Variants in TNFRSF19 observed in about 807,000 individuals in gnomAD.
TNFRSF19 encodes TNF receptor superfamily member 19.
A neutral mutation model predicts 46.4 loss-of-function variants in TNFRSF19; 27 were observed. The ratio of observed to expected loss-of-function variants is 0.58; its 90% CI spans 0.43 to 0.80. The LOEUF (loss-of-function observed/expected upper bound fraction) is 0.80. TNFRSF19 is among the 30% of genes least tolerant of loss of function. TNFRSF19 has a pLI of 0.00. For missense variants in TNFRSF19, 511 were observed against 530.8 expected, an observed-to-expected ratio of 0.96 and a Z score of 0.37; for synonymous variants, 204 against 205.0, an observed-to-expected ratio of 1.00 and a Z score of 0.04.
chr13:23,626,130 A>C (rs141982146), intron 4 of TNFRSF19, among the ~76,000 whole-genome samples: 200 of 151,346 alleles, frequency 1.3e-3, no homozygotes, highest in African/African-American at 4.6e-3. Context: ...TTTGCCCGTT[A>C]CCTATTATTG....
intron 5 of TNFRSF19, among the ~76,000 whole-genome samples, chr13:23,650,628 T>C (rs1379321659): frequency 2.0e-5 from 3 of 152,082 alleles, no homozygotes; most frequent in Non-Finnish European, 4.4e-5. Context: ...GGGTATGGGG[T>C]TTCCTTTTGG....
chr13:23,626,694 C>T lies in TNFRSF19; in HGVS notation c.360-13C>T, dbSNP rs1164797974. ...GAAAGAGTTAACAAGGAGTATTTTC[C>T]TTTCTCTTCTAGATTTTATAGGAAG... On this transcript the variant is annotated splice_polypyrimidine_tract_variant and intron_variant, in intron 4 of 9. Transcript: ENST00000248484. The T allele has an allele frequency of 6.2e-7, 1 of 1,613,530 alleles. No homozygotes were observed.
intron 3 of TNFRSF19, among the ~76,000 whole-genome samples, chr13:23,598,087 A>T (rs139839161): frequency 6.6e-6 from 1 of 152,340 alleles, no homozygotes; most frequent in African/African-American, 2.4e-5. Context: ...TATTGATTGA[A>T]TGTATCTGGA....
chr13:23,637,759 A>G (rs1347322013), intron 5 of TNFRSF19, among the ~76,000 whole-genome samples: 1 of 152,266 alleles, frequency 6.6e-6, no homozygotes, highest in African/African-American at 2.4e-5. Context: ...AGTGAGGTAA[A>G]TAAGAGTTAT....
intron 7 of TNFRSF19, among the ~76,000 whole-genome samples, chr13:23,665,554 G>A (rs886558474): frequency 3.3e-4 from 48 of 144,490 alleles, no homozygotes; most frequent in Non-Finnish European, 5.6e-4. Context: ...ATTCCCACAT[G>A]TCCTTTACCG....
At chr13:23,669,216 T>A in intron 9 of TNFRSF19, 119 bp downstream of exon 9, 1 of 1,442,566 alleles carries the variant, frequency 6.9e-7, no homozygotes, top group Non-Finnish European at 9.0e-7. Flanking sequence ...CTTTAATAAT[T>A]TCTTGTATGT....
chr13:23,586,521 C>G (rs541363437), intron 1 of TNFRSF19, among the ~76,000 whole-genome samples: 2 of 152,194 alleles, frequency 1.3e-5, no homozygotes, highest in Non-Finnish European at 2.9e-5. Flanking sequence ...TCCGCCCAGC[C>G]AATCAGAGAT....
chr13:23,669,044 C>G lies in TNFRSF19; in HGVS notation c.1192C>G (p.Leu398Val). 4 of 1,614,172 alleles carry G rather than the reference C, an allele frequency of 2.5e-6. No homozygotes were observed. The highest frequency in any genetic ancestry group is 3.4e-6 in the Non-Finnish European group (4 of 1,180,032). The change falls in exon 9 of 10, where the codon CTA becomes GTA. Residue 398 changes from leucine to valine, a missense_variant. Coordinates refer to ENST00000248484, the MANE Select transcript of TNFRSF19 (RefSeq NM_148957.4). ...TQDALTMRSQ[L>V]DQESGAVIHP... ...GGATGCACTAACTATGAGAAGCCAG[C>G]TAGATCAGGAGAGTGGTGCTGTCAT...
chr13:23,645,314 A>G (rs550649634), intron 5 of TNFRSF19, among the ~76,000 whole-genome samples: 1 of 152,158 alleles, frequency 6.6e-6, no homozygotes, highest in South Asian at 2.1e-4. Context: ...GGATTCTTGC[A>G]CCTCAGCCTC....
At chr13:23,632,288 G>A (rs573370817) in intron 5 of TNFRSF19, among the ~76,000 whole-genome samples, 2 of 152,292 alleles carry the variant, frequency 1.3e-5, no homozygotes, top group South Asian at 2.1e-4. Context: ...CTGCTACTAT[G>A]CATTTTAAAT....
At chr13:23,613,856 G>T (rs1881066898) in intron 3 of TNFRSF19, among the ~76,000 whole-genome samples, 2 of 152,290 alleles carry the variant, frequency 1.3e-5, no homozygotes, top group South Asian at 4.1e-4. Context: ...GAGTCACAAT[G>T]ATCACCCCGC....
chr13:23,671,498 C>G (rs1951761248), intron 9 of TNFRSF19, among the ~76,000 whole-genome samples: 1 of 120,174 alleles, frequency 8.3e-6, no homozygotes, highest in Non-Finnish European at 1.8e-5. Context: ...TAATCATTTC[C>G]AGATGCTGGA....
intron 3 of TNFRSF19, among the ~76,000 whole-genome samples, chr13:23,610,795 G>C (rs1434783551): frequency 6.6e-6 from 1 of 151,940 alleles, no homozygotes; most frequent in Non-Finnish European, 1.5e-5. Flanking sequence ...GAAGTAAGTA[G>C]GGGCCCTATA....
At chr13:23,660,881 C>G (rs1195828923) in intron 7 of TNFRSF19, among the ~76,000 whole-genome samples, 1 of 152,036 alleles carries the variant, frequency 6.6e-6, no homozygotes, top group Non-Finnish European at 1.5e-5. Flanking sequence ...AAAAATATAT[C>G]TATTTTTAGA....
intron 1 of TNFRSF19, among the ~76,000 whole-genome samples, chr13:23,581,435 C>T (rs1207008520): frequency 1.3e-5 from 2 of 151,614 alleles, no homozygotes; most frequent in African/African-American, 2.4e-5. Context: ...CCTGAGCCAC[C>T]GCGCCCGGCC....
chr13:23,647,719 G>A (rs1883413754), intron 5 of TNFRSF19, among the ~76,000 whole-genome samples: 1 of 152,152 alleles, frequency 6.6e-6, no homozygotes, highest in Non-Finnish European at 1.5e-5. Flanking sequence ...TTCAGCTCTT[G>A]AATTTAGGTC....
At chr13:23,599,216 G>A (rs538281519) in intron 3 of TNFRSF19, among the ~76,000 whole-genome samples, 2 of 152,208 alleles carry the variant, frequency 1.3e-5, no homozygotes, top group South Asian at 2.1e-4. Flanking sequence ...ATTTTTCTGT[G>A]TGGGGTGTAA....
At chr13:23,604,488 T>C (rs1880382391) in intron 3 of TNFRSF19, among the ~76,000 whole-genome samples, 1 of 152,154 alleles carries the variant, frequency 6.6e-6, no homozygotes, top group South Asian at 2.1e-4. Context: ...AGTTATTTTG[T>C]AGATATTGAC....
In TNFRSF19 at chr13:23,668,082, G is replaced by C; in HGVS notation, c.839G>C (p.Arg280Thr). ...CATTCTGCAGCCAGTCTTCAGGCAA[G>C]GTAACTAGGTGCTTTCAATCAATCA... ...GVHSAASLQA[R>T]NAGPAGEMVP... The change falls in exon 8 of 10, where the codon AGA becomes ACA. Residue 280 changes from arginine to threonine, a missense_variant and splice_region_variant. By Grantham distance (71) the Arg-to-Thr change is moderately conservative. Coordinates refer to ENST00000248484, the MANE Select transcript of TNFRSF19 (RefSeq NM_148957.4). 1 of 1,599,848 alleles carries C rather than the reference G, an allele frequency of 6.3e-7. No individual in the cohort carries two copies. Among genetic ancestry groups the C allele is most frequent in the Non-Finnish European group, 8.5e-7 (1 of 1,173,338 alleles).
Sources: allele counts gnomAD v4.1 joint callset (sites outside exome capture counted in the v4.1 genomes callset), GRCh38; gene constraint gnomAD v4.1.1; transcripts MANE v1.5; gene names NCBI Gene and HGNC (gene_info 2026-07-23, HGNC 2026-07-21).